The following IGSF21 variants were observed in gnomAD, a reference collection of about 807,000 sequenced individuals.
IGSF21 encodes the protein immunoglobin superfamily member 21, also known as immunoglobulin superfamily member 21.
A neutral mutation model predicts 46.8 loss-of-function variants in IGSF21; 28 were observed. The ratio of observed to expected loss-of-function variants is 0.60; its 90% CI spans 0.44 to 0.82. IGSF21 has a LOEUF of 0.82. Ranked by LOEUF, IGSF21 falls within the 40% of genes least tolerant of loss-of-function variation. The pLI, the probability that IGSF21 is intolerant of heterozygous loss-of-function variation, is 0.00. For missense variants in IGSF21, 624 were observed against 665.5 expected (o/e 0.94, Z 0.69); for synonymous variants, 284 against 273.6 (o/e 1.04, Z -0.38).
chr1:18,288,088 C>T (rs1483871131), intron 2 of IGSF21, among the ~76,000 whole-genome samples: 1 of 152,158 alleles, frequency 6.6e-6, no homozygotes, highest in East Asian at 1.9e-4. Context: ...TTGCCTTATC[C>T]CCATTTCACA....
chr1:18,208,977 T>C (rs1404279981), intron 1 of IGSF21, among the ~76,000 whole-genome samples: 1 of 152,066 alleles, frequency 6.6e-6, no homozygotes, highest in Non-Finnish European at 1.5e-5. Context: ...AGCTAATCTA[T>C]ATGGAGAAGC....
intron 2 of IGSF21, among the ~76,000 whole-genome samples, chr1:18,243,699 C>T (rs992637834): frequency 6.6e-5 from 10 of 152,196 alleles, no homozygotes; most frequent in Non-Finnish European, 1.2e-4. Context: ...TACCTCCCAC[C>T]ACACCAGCCT....
chr1:18,305,503 TGGA>T, intron 3 of IGSF21, among the ~76,000 whole-genome samples: 1 of 135,742 alleles, frequency 7.4e-6, no homozygotes, highest in African/African-American at 3.1e-5. Flanking sequence ...GATGGATGGA[TGGA>T]TGGATGAATG....
At chr1:18,300,449 C>T (rs1199581186) in intron 3 of IGSF21, among the ~76,000 whole-genome samples, 2 of 152,218 alleles carry the variant, frequency 1.3e-5, no homozygotes, top group African/African-American at 2.4e-5. Context: ...CCCCTAAAGC[C>T]AGACCACTTT....
At chr1:18,149,636 A>G (rs1431598846) in intron 1 of IGSF21, among the ~76,000 whole-genome samples, 2 of 149,366 alleles carry the variant, frequency 1.3e-5, no homozygotes, top group East Asian at 2.0e-4. Flanking sequence ...GCTTGGCCCA[A>G]TAGGTCTTCG....
chr1:18,122,193 CTTTTTTTTTT>C (rs766563472), intron 1 of IGSF21, among the ~76,000 whole-genome samples: 1 of 78,762 alleles, frequency 1.3e-5, no homozygotes, highest in Non-Finnish European at 2.4e-5. Context: ...TTCTTTCTTT[CTTTTTTTTTT>C]TTTTTTTTTT....
At chr1:18,121,537 G>A (rs1382359178) in intron 1 of IGSF21, among the ~76,000 whole-genome samples, 1 of 152,138 alleles carries the variant, frequency 6.6e-6, no homozygotes, top group Non-Finnish European at 1.5e-5. Context: ...TGCTGAAATT[G>A]CCGTGACAAA....
chr1:18,121,879 T>G lies in IGSF21; in HGVS notation c.70+13681T>G, dbSNP rs187594307. ...ATGTACCCGACTGTCCAAATTGCCT[T>G]TGATGAGGACTCATTTTCCAGTTGA... On this transcript the variant is annotated intron_variant, in intron 1 of 9. Transcript: ENST00000251296. Among the ~76,000 whole-genome samples, 143 of 152,342 alleles carry G rather than the reference T, an allele frequency of 9.4e-4. 1 individual carries two copies. Among genetic ancestry groups the G allele is most frequent in the Middle Eastern group, 3.4e-3 (1 of 294 alleles).
intron 3 of IGSF21, among the ~76,000 whole-genome samples, chr1:18,316,275 A>G (rs2085542377): frequency 6.6e-6 from 1 of 152,188 alleles, no homozygotes; most frequent in African/African-American, 2.4e-5. Context: ...CCCAGCATGA[A>G]TCTGACCACT....
At chr1:18,346,195 G>T (rs1390364577) in intron 4 of IGSF21, among the ~76,000 whole-genome samples, 1 of 152,168 alleles carries the variant, frequency 6.6e-6, no homozygotes, top group African/African-American at 2.4e-5. Context: ...AAGCCAGGCA[G>T]TGACATCTGT....
chr1:18,211,571 T>C (rs529893920), intron 1 of IGSF21, among the ~76,000 whole-genome samples: 1 of 152,352 alleles, frequency 6.6e-6, no homozygotes, highest in African/African-American at 2.4e-5. Flanking sequence ...ATTCTGCTTT[T>C]AGCTTCTGAG....
Position 18,283,226 on chromosome 1 carries a change from T to G in IGSF21, c.184-8640T>G, listed in dbSNP as rs145750259. ...GAGACAGGCAATTTATGACACCAGCTGTCTCTGTCAAAACCGGATCTCCCA... is the reference window on the plus strand; with the variant it reads ...GAGACAGGCAATTTATGACACCAGCGGTCTCTGTCAAAACCGGATCTCCCA... On this transcript the variant is annotated intron_variant, in intron 2 of 9. Transcript: ENST00000251296. Among the ~76,000 whole-genome samples, 5 of 152,296 alleles carry G rather than the reference T, an allele frequency of 3.3e-5. No homozygotes were observed. The South Asian group carries it at 8.3e-4, about 25-fold the overall frequency.
intron 1 of IGSF21, among the ~76,000 whole-genome samples, chr1:18,206,096 G>A (rs1320923239): frequency 2.0e-5 from 3 of 152,244 alleles, no homozygotes; most frequent in African/African-American, 7.2e-5. Flanking sequence ...AGGCAAAGAT[G>A]TAGTGCTGTA....
At chr1:18,163,128 G>A (rs75254527) in intron 1 of IGSF21, among the ~76,000 whole-genome samples, 2,715 of 152,216 alleles carry the variant, frequency 0.018, 79 homozygotes, top group African/African-American at 0.062. Flanking sequence ...GCCGGGTATC[G>A]TATTCTGGGG....
At chr1:18,136,213 G>C (rs1232718465) in intron 1 of IGSF21, among the ~76,000 whole-genome samples, 2 of 152,258 alleles carry the variant, frequency 1.3e-5, no homozygotes, top group Non-Finnish European at 1.5e-5. Context: ...TAGATTGCCT[G>C]TTCACTCTGA....
intron 3 of IGSF21, among the ~76,000 whole-genome samples, chr1:18,333,965 G>A (rs759553471): frequency 6.6e-6 from 1 of 152,250 alleles, no homozygotes; most frequent in African/African-American, 2.4e-5. Context: ...ATGATCATAA[G>A]TAAAGTTTTA....
intron 4 of IGSF21, among the ~76,000 whole-genome samples, chr1:18,352,750 G>T (rs2085970810): frequency 6.6e-6 from 1 of 152,216 alleles, no homozygotes; most frequent in African/African-American, 2.4e-5. Context: ...GCCTCCAGTT[G>T]GGGCTGTTAA....
chr1:18,190,305 C>A (rs1035311252), intron 1 of IGSF21, among the ~76,000 whole-genome samples: 19 of 152,206 alleles, frequency 1.2e-4, no homozygotes, highest in African/African-American at 4.6e-4. Flanking sequence ...CAATCTCCTG[C>A]ACACAGCTGT....
intron 2 of IGSF21, among the ~76,000 whole-genome samples, chr1:18,268,578 C>A (rs1192059991): frequency 6.6e-6 from 1 of 152,188 alleles, no homozygotes; most frequent in Non-Finnish European, 1.5e-5. Flanking sequence ...AACTCAGGTG[C>A]GCGGTGAAAC....
Sources: gnomAD v4.1 joint callset for allele counts (sites outside exome capture counted in the v4.1 genomes callset) on GRCh38, gnomAD v4.1.1 for gene constraint, MANE v1.5 for transcripts, NCBI Gene and HGNC (gene_info 2026-07-23, HGNC 2026-07-21) for gene names.